XRN1: variants seen among roughly 807,000 people sequenced by gnomAD.
XRN1 encodes the protein 5'-3' exoribonuclease 1, also known as strand-exchange protein 1 homolog.
Under a neutral mutation model 222.3 loss-of-function variants are expected in XRN1, and 67 were observed. The ratio of observed to expected loss-of-function variants is 0.30; its 90% CI spans 0.25 to 0.37. XRN1 has a LOEUF of 0.37. Ranked by LOEUF, XRN1 falls within the 10% of genes least tolerant of loss-of-function variation. XRN1 has a pLI of 1.00. For missense variants in XRN1, 1,707 were observed against 2,000.2 expected, an observed-to-expected ratio of 0.85 and a Z score of 2.80; for synonymous variants, 643 against 652.4, an observed-to-expected ratio of 0.99 and a Z score of 0.22.
chr3:142,336,591 G>C (rs894588831), intron 33 of XRN1, among the ~76,000 whole-genome samples: 3 of 151,054 alleles, frequency 2.0e-5, no homozygotes, highest in African/African-American at 7.3e-5. Context: ...GAGAAGGAAG[G>C]GTAAGAGAAG....
rs778100327 is a variant in XRN1, at chr3:142,370,576, G to T, written c.3113C>A (p.Pro1038His). The T allele has an allele frequency of 1.9e-6, 3 of 1,601,068 alleles. No individual in the cohort carries two copies. The Admixed American group carries it at 5.2e-5, about 28-fold the overall frequency. Residue 1038 changes from proline to histidine, a missense_variant, in exon 27 of 41, where the codon CCT becomes CAT. Coordinates refer to ENST00000392981, the MANE Select transcript of XRN1 (RefSeq NM_001282857.2). ...AGAAGAACGAGATAAAGTACTGACA[G>T]GATGTCCTTTTAGCCAAGTAATAAT... ...QEIITWLKGH[P>H]VSTLSRSSCD...
At position 142,414,220 on chromosome 3, in the gene XRN1, T is replaced by A. The variant is rs746870164; in HGVS notation, c.1508A>T (p.Glu503Val). The A allele has an allele frequency of 6.2e-6, 10 of 1,613,890 alleles. No individual in the cohort carries two copies. The South Asian group carries it at 9.9e-5, about 16-fold the overall frequency. ...AAATGGCTTAAAAGGTTTTCCTAGT[T>A]CAAAATGGATTTTGAGTGTACTGAT... ...HNISTLKIHFELGKPFKPFEQ... is the reference protein window; with the variant it reads ...HNISTLKIHFVLGKPFKPFEQ... The change falls in exon 14 of 41, where the codon GAA (glutamate) becomes GTA (valine). Residue 503 changes from glutamate (E) to valine (V), a missense_variant. By Grantham distance (121) the Glu-to-Val change is moderately radical. Transcript: ENST00000392981.
intron 1 of XRN1, among the ~76,000 whole-genome samples, chr3:142,436,924 T>C (rs1473241382): frequency 6.6e-6 from 1 of 152,182 alleles, no homozygotes; most frequent in Non-Finnish European, 1.5e-5. Context: ...TACAATAATT[T>C]TTATATTTTT....
At chr3:142,391,517 C>T (rs981292087) in intron 20 of XRN1, among the ~76,000 whole-genome samples, 6 of 151,868 alleles carry the variant, frequency 4.0e-5, no homozygotes, top group Admixed American at 6.6e-5. Flanking sequence ...TCACTTGAGG[C>T]TAGGTGTTTG....
chr3:142,392,115 C>T lies in XRN1; in HGVS notation c.2339+5214G>A, dbSNP rs184730691. Among the ~76,000 whole-genome samples, 3 of 152,164 alleles carry T rather than the reference C, an allele frequency of 2.0e-5. No individual in the cohort carries two copies. The East Asian group carries it at 5.8e-4, about 29-fold the overall frequency. On this transcript the variant is annotated intron_variant, in intron 20 of 40. Transcript: ENST00000392981. ...CTATCAAATAGTAGTTGTTTGTTTT[C>T]ATACCATGCACCCTCAGGGGTAGGA...
At chr3:142,418,668 C>A (rs1410915080) in intron 11 of XRN1, 59 bp from the exon 12 acceptor site, 5 of 1,478,800 alleles carry the variant, frequency 3.4e-6, no homozygotes, top group Non-Finnish European at 4.6e-6. Flanking sequence ...GTTTTTCCAC[C>A]TAATGATTTG....
chr3:142,364,217 G>A (rs779800170), intron 29 of XRN1, among the ~76,000 whole-genome samples: 29 of 152,192 alleles, frequency 1.9e-4, no homozygotes, highest in Non-Finnish European at 4.0e-4. Flanking sequence ...CTAGTGGCCC[G>A]TCTGTTCTTC....
rs557492905 is a variant in XRN1 at position 142,447,695 on chromosome 3, T to C, written c.75+175A>G. 1.1e-4 allele frequency among the ~76,000 whole-genome samples: 17 copies of C among 152,268 alleles called. No individual in the cohort carries two copies. The highest frequency in any genetic ancestry group is 4.1e-4 in the African/African-American group (17 of 41,566). ...TCCACACACAGGCAACCTGCGTCCT[T>C]AGCCCCTTTCGGCTCATCCGGGCGT... On this transcript the variant is annotated intron_variant, in intron 1 of 40. Transcript: ENST00000392981. The surrounding 1 kb of genome is among the most constrained non-coding windows in gnomAD (Gnocchi z 4.2).
rs142761065 is a variant in XRN1 at position 142,446,448 on chromosome 3, A to G, written c.75+1422T>C. ...AAAACCTATCCTTAGTGTCCATGTC[A>G]TAAAACTGCATTAAAGAGATTTTCA... On this transcript the variant is annotated intron_variant, in intron 1 of 40. Transcript: ENST00000392981. 2.8e-3 allele frequency among the ~76,000 whole-genome samples: 429 copies of G among 152,370 alleles called. 1 individual carries two copies. The highest frequency in any genetic ancestry group is 9.9e-3 in the African/African-American group (412 of 41,580).
intron 33 of XRN1, among the ~76,000 whole-genome samples, chr3:142,344,927 G>A (rs1022259839): frequency 2.0e-5 from 3 of 152,052 alleles, no homozygotes; most frequent in Non-Finnish European, 4.4e-5. Flanking sequence ...AATGCAAGAG[G>A]CCCAGAATAG....
chr3:142,380,865 C>A (rs2067280660), intron 22 of XRN1, among the ~76,000 whole-genome samples: 1 of 152,134 alleles, frequency 6.6e-6, no homozygotes, highest in Non-Finnish European at 1.5e-5. Flanking sequence ...CCAGGCTGGT[C>A]TCAAACTCCT....
At chr3:142,441,722 G>A (rs575694375) in intron 1 of XRN1, among the ~76,000 whole-genome samples, 18 of 152,284 alleles carry the variant, frequency 1.2e-4, no homozygotes, top group African/African-American at 3.4e-4. Flanking sequence ...TCTATTACTT[G>A]AAGGGCCAGT....
intron 15 of XRN1, among the ~76,000 whole-genome samples, 155 bp from the exon 16 acceptor site, chr3:142,405,231 T>C (rs2068298496): frequency 2.0e-5 from 3 of 152,230 alleles, no homozygotes; most frequent in Admixed American, 6.5e-5. Context: ...TTCCATTTTA[T>C]TGCATGAAAA....
chr3:142,368,765 T>A (rs2066895361), intron 27 of XRN1, among the ~76,000 whole-genome samples: 1 of 152,224 alleles, frequency 6.6e-6, no homozygotes, highest in African/African-American at 2.4e-5. Context: ...TATTTTTTCC[T>A]AAAGAGAAAA....
chr3:142,414,303 A>C lies in XRN1; in HGVS notation c.1437-12T>G, dbSNP rs2068701895. 6.5e-7 allele frequency: 1 copy of C among 1,539,898 alleles called. No individual in the cohort carries two copies. The highest frequency in any genetic ancestry group is 8.8e-7 in the Non-Finnish European group (1 of 1,141,340). ...GATAAGGATAATACCTATAAAACAA[A>C]ACTGAGTTTTAAACAAGTGGCATCT... On this transcript the variant is annotated splice_polypyrimidine_tract_variant and intron_variant, in intron 13 of 40. Coordinates refer to ENST00000392981, the MANE Select transcript of XRN1 (RefSeq NM_001282857.2).
intron 39 of XRN1, among the ~76,000 whole-genome samples, chr3:142,316,325 T>C (rs1381003995): frequency 6.7e-6 from 1 of 148,244 alleles, no homozygotes; most frequent in African/African-American, 2.5e-5. Context: ...CAAGTTATCC[T>C]CCCGCCTCAG....
chr3:142,389,145 G>C (rs916826488), intron 20 of XRN1, among the ~76,000 whole-genome samples: 1 of 152,174 alleles, frequency 6.6e-6, no homozygotes, highest in Non-Finnish European at 1.5e-5. Flanking sequence ...CACAAGAGGT[G>C]GAGGTTGCAG....
In XRN1 at chr3:142,312,739, C is replaced by G; in HGVS notation, c.4641G>C (p.Ser1547=). The G allele has an allele frequency of 6.2e-7, 1 of 1,611,160 alleles. No homozygotes were observed. The highest frequency in any genetic ancestry group is 8.5e-7 in the Non-Finnish European group (1 of 1,178,848). The change falls in exon 40 of 41, where the codon TCG becomes TCC. Residue 1547 remains serine, a synonymous_variant. Coordinates refer to ENST00000392981, the MANE Select transcript of XRN1 (RefSeq NM_001282857.2). ...PPPTANIMPS[S]SHLFGSMPWG... ...ATGGCATTGAGCCAAAGAGATGAGA[C>G]GACGAAGGCATTATATTAGCTGTTA...
intron 2 of XRN1, 118 bp downstream of exon 2, chr3:142,432,542 TG>T (rs1311134646): frequency 3.2e-6 from 3 of 944,716 alleles, no homozygotes; most frequent in African/African-American, 3.3e-5. Context: ...TTTCCATTTC[TG>T]GGGGAGTTTA....
Sources: gnomAD v4.1 joint callset for allele counts (sites outside exome capture counted in the v4.1 genomes callset) on GRCh38, gnomAD v4.1.1 for gene constraint, Gnocchi (gnomAD v3.1) non-coding constraint, MANE v1.5 for transcripts, NCBI Gene and HGNC (gene_info 2026-07-23, HGNC 2026-07-21) for gene names.